The following KLRG1 variants were observed in gnomAD, a reference collection of about 807,000 sequenced individuals.
The protein encoded by KLRG1 is killer cell lectin-like receptor subfamily G member 1.
KLRG1 carries 16 observed loss-of-function variants against 21.8 expected under a neutral mutation model. The ratio of observed to expected loss-of-function variants is 0.73; its 90% CI spans 0.50 to 1.11. The LOEUF is 1.11. Ranked by LOEUF, KLRG1 falls within the 50% of genes most tolerant of loss-of-function variation. KLRG1 has a pLI of 0.00. For synonymous variants in KLRG1, 69 were observed against 75.9 expected, an observed-to-expected ratio of 0.91 and a Z score of 0.47; for missense variants, 173 against 218.3, an observed-to-expected ratio of 0.79 and a Z score of 1.31.
chr12:9,096,959 G>A, the KLRG1 span, among the ~76,000 whole-genome samples: 2 of 152,140 alleles, frequency 1.3e-5, no homozygotes, highest in Non-Finnish European at 2.9e-5. Flanking sequence ...ACTAGTAGCA[G>A]CAAAGTGTTT....
the KLRG1 span, among the ~76,000 whole-genome samples, chr12:9,205,743 T>C: frequency 2.6e-5 from 4 of 152,324 alleles, no homozygotes; most frequent in South Asian, 8.3e-4. Flanking sequence ...CAACATAAAC[T>C]CTTACTTTTT....
the KLRG1 span, chr12:9,028,707 G>T: frequency 2.1e-6 from 1 of 482,170 alleles, no homozygotes; most frequent in South Asian, 1.6e-5. Flanking sequence ...CCCCCAAAGT[G>T]CTGGGATTAC....
At chr12:9,110,111 C>G in the KLRG1 span, 1 of 1,483,210 alleles carries the variant, frequency 6.7e-7, no homozygotes, top group East Asian at 2.3e-5. Context: ...TATGGAAACC[C>G]TAAGTTATCT....
chr12:9,007,843 A>G (rs763004163), intron 3 of KLRG1, among the ~76,000 whole-genome samples: 1 of 152,378 alleles, frequency 6.6e-6, no homozygotes, highest in South Asian at 2.1e-4. Context: ...GAAAATATTG[A>G]AAGTGTAATT....
the KLRG1 span, chr12:9,107,382 G>T: frequency 9.6e-7 from 1 of 1,038,772 alleles, no homozygotes; most frequent in Admixed American, 2.7e-5. Context: ...CTAAGTTCAT[G>T]ATTTTTTTTG....
the KLRG1 span, among the ~76,000 whole-genome samples, chr12:9,032,976 A>G: frequency 6.6e-6 from 1 of 152,182 alleles, no homozygotes. Context: ...GATTTGAGTG[A>G]TATTTCTGGT....
chr12:9,186,745 A>T, the KLRG1 span, among the ~76,000 whole-genome samples: 2 of 151,872 alleles, frequency 1.3e-5, no homozygotes, highest in Non-Finnish European at 2.9e-5. Flanking sequence ...GCAAACTAAC[A>T]CAAGAACAGA....
the KLRG1 span, chr12:9,067,674 A>G: frequency 8.0e-6 from 6 of 749,320 alleles, no homozygotes; most frequent in African/African-American, 1.7e-5. Flanking sequence ...GAAATGTACA[A>G]TGATATTTAT....
chr12:9,001,201 A>G (rs1947297045), intron 3 of KLRG1, among the ~76,000 whole-genome samples: 1 of 152,240 alleles, frequency 6.6e-6, no homozygotes. Flanking sequence ...AGCAATAGAT[A>G]TAATTATTTT....
At chr12:9,072,222 T>A in the KLRG1 span, 5 of 1,004,216 alleles carry the variant, frequency 5.0e-6, no homozygotes, top group South Asian at 8.1e-5. Flanking sequence ...AGAAATTATA[T>A]CAACTTAAGA....
At chr12:9,165,484 G>T in the KLRG1 span, 3 of 1,162,328 alleles carry the variant, frequency 2.6e-6, no homozygotes, top group Non-Finnish European at 2.5e-6. Context: ...GGGTATATGC[G>T]AGTGTGCATT....
At chr12:9,196,774 C>CTT in the KLRG1 span, 1,909 of 986,274 alleles carry the variant, frequency 1.9e-3, no homozygotes, top group Non-Finnish European at 2.0e-3. Context: ...GACAAGAAAA[C>CTT]TTTTTTTTTG....
the KLRG1 span, among the ~76,000 whole-genome samples, chr12:9,063,401 A>G: frequency 6.6e-6 from 1 of 152,236 alleles, no homozygotes; most frequent in Admixed American, 6.5e-5. Flanking sequence ...GCAGTGTATC[A>G]TATTTCAAAA....
At chr12:9,163,105 G>GAGAT in the KLRG1 span, among the ~76,000 whole-genome samples, 1,579 of 152,200 alleles carry the variant, frequency 0.01, 27 homozygotes, top group African/African-American at 0.036. Context: ...AAAATGGGAA[G>GAGAT]AGATAATAAG....
the KLRG1 span, among the ~76,000 whole-genome samples, chr12:9,174,623 C>A: frequency 3.3e-5 from 5 of 152,160 alleles, no homozygotes; most frequent in African/African-American, 1.2e-4. Flanking sequence ...TCTCAGGATA[C>A]AAAATCAATG....
the KLRG1 span, chr12:9,072,614 T>G: frequency 1.9e-6 from 3 of 1,602,006 alleles, no homozygotes; most frequent in Non-Finnish European, 2.6e-6. Flanking sequence ...ACAGCTGCTG[T>G]CCTCATCTGT....
chr12:9,122,511 TAAC>T, the KLRG1 span, among the ~76,000 whole-genome samples: 1 of 152,246 alleles, frequency 6.6e-6, no homozygotes, highest in Non-Finnish European at 1.5e-5. Context: ...ATAATGAGGC[TAAC>T]AACAATAGCT....
At chr12:8,993,580 G>A (rs527619317) in intron 2 of KLRG1, among the ~76,000 whole-genome samples, 82 of 152,252 alleles carry the variant, frequency 5.4e-4, no homozygotes, top group Non-Finnish European at 9.3e-4. Context: ...GAGCCATTGC[G>A]CTCTGCCGAT....
the KLRG1 span, chr12:9,099,591 A>T: frequency 6.6e-7 from 1 of 1,513,828 alleles, no homozygotes; most frequent in Non-Finnish European, 8.9e-7. Context: ...TAGATGTAAC[A>T]GACATAATAA....
Sources: gnomAD v4.1 joint callset for allele counts (sites outside exome capture counted in the v4.1 genomes callset) on GRCh38, gnomAD v4.1.1 for gene constraint, MANE v1.5 for transcripts, NCBI Gene and HGNC (gene_info 2026-07-23, HGNC 2026-07-21) for gene names.